SMC6: variants seen among roughly 807,000 people sequenced by gnomAD.
SMC6 encodes structural maintenance of chromosomes protein 6.
A neutral mutation model predicts 142.2 loss-of-function variants in SMC6; 79 were observed. The ratio of observed to expected loss-of-function variants is 0.56; its 90% CI spans 0.46 to 0.67. The LOEUF (loss-of-function observed/expected upper bound fraction) is 0.67, where lower values mean the gene tolerates loss of function less well. SMC6 is among the 30% of genes least tolerant of loss of function. The pLI is 0.00. For missense variants in SMC6, 1,072 were observed against 1,284.0 expected, an observed-to-expected ratio of 0.83 and a Z score of 2.52; for synonymous variants, 411 against 412.4, an observed-to-expected ratio of 1.00 and a Z score of 0.04.
Position 17,674,338 on chromosome 2 carries a change from T to C in SMC6, c.2911-3763A>G, listed in dbSNP as rs1296350846. Among the ~76,000 whole-genome samples the C allele has an allele frequency of 5.9e-5, 9 of 152,332 alleles. No individual in the cohort carries two copies. In the East Asian group the frequency reaches 1.7e-3, roughly 29 times the overall value. On this transcript the variant is annotated intron_variant, in intron 25 of 27. Transcript: ENST00000448223. ...ACAGATTACATAGAAATGTGCTGCC[T>C]AATTTTCTAACATTCATTAAGTTTT...
At chr2:17,732,054 G>A (rs1233489737) in intron 5 of SMC6, among the ~76,000 whole-genome samples, 177 bp from the exon 6 acceptor site, 2 of 152,154 alleles carry the variant, frequency 1.3e-5, no homozygotes, top group African/African-American at 2.4e-5. Context: ...TAACGATACT[G>A]TGCCTAACAA....
intron 23 of SMC6, among the ~76,000 whole-genome samples, chr2:17,693,355 C>G (rs1007605359): frequency 1.3e-5 from 2 of 152,202 alleles, no homozygotes; most frequent in African/African-American, 2.4e-5. Context: ...CCATGGAATA[C>G]TATGCAGCCA....
intron 4 of SMC6, among the ~76,000 whole-genome samples, chr2:17,739,672 G>C (rs1445757609): frequency 6.6e-6 from 1 of 151,854 alleles, no homozygotes; most frequent in Admixed American, 6.6e-5. Context: ...AATTAGGAAG[G>C]CATAGTGGCA....
At chr2:17,709,611 G>A (rs576520617) in intron 16 of SMC6, among the ~76,000 whole-genome samples, 1 of 152,236 alleles carries the variant, frequency 6.6e-6, no homozygotes, top group Admixed American at 6.5e-5. Context: ...TATTTAGTGA[G>A]CACCTACTCT....
In SMC6 at chr2:17,703,315, G is replaced by A. The variant is rs1813577; in HGVS notation, c.2007-23C>T. 8.5e-3 allele frequency: 13,381 copies of A among 1,576,154 alleles called. 244 individuals carry two copies. The highest frequency in any genetic ancestry group is 0.062 in the African/African-American group (4,476 of 72,152). Reference sequence around the variant, plus strand: ...TCACTTGATAGGAAAGGAGAAGATAGAAAATACTTTAAATCTTTTTCTCAA... The same window carrying A: ...TCACTTGATAGGAAAGGAGAAGATAAAAAATACTTTAAATCTTTTTCTCAA... On this transcript the variant is annotated intron_variant, in intron 18 of 27. Coordinates refer to ENST00000448223, the MANE Select transcript of SMC6 (RefSeq NM_001142286.2).
rs565645489 is a variant in SMC6, at chr2:17,752,566, A to G, written c.-6+412T>C. ...TGATATAAATACACGCTTTTAGGCA[A>G]TATACTAGTGGCCTCCAAACGTTTT... is the stretch of plus-strand genomic sequence containing the variant. On this transcript the variant is annotated intron_variant, in intron 2 of 27. Coordinates refer to ENST00000448223, the MANE Select transcript of SMC6 (RefSeq NM_001142286.2). Among the ~76,000 whole-genome samples, 51 of 152,354 alleles carry G rather than the reference A, an allele frequency of 3.3e-4. No homozygotes were observed. In the South Asian group the frequency reaches 6.2e-3, roughly 19 times the overall value.
In SMC6 at chr2:17,735,083, A is replaced by G. The variant is rs553529995; in HGVS notation, c.344+3138T>C. Among the ~76,000 whole-genome samples, 3 of 152,188 alleles carry G rather than the reference A, an allele frequency of 2.0e-5. No individual in the cohort carries two copies. The East Asian group carries it at 5.8e-4, about 29-fold the overall frequency. On this transcript the variant is annotated intron_variant, in intron 5 of 27. Transcript: ENST00000448223. Reference sequence around the variant, plus strand: ...AAGCAAAATACTTCTAAAAAATAACATTTATAAAAAAGCCTCATAATTACT... The same window carrying G: ...AAGCAAAATACTTCTAAAAAATAACGTTTATAAAAAAGCCTCATAATTACT...
intron 11 of SMC6, among the ~76,000 whole-genome samples, chr2:17,720,243 T>C (rs761960218): frequency 1.7e-4 from 26 of 152,206 alleles, no homozygotes; most frequent in Non-Finnish European, 3.2e-4. Flanking sequence ...ATCTGCTGAA[T>C]GTTAAAGGGT....
chr2:17,707,928 AG>A (rs1427083584), intron 17 of SMC6, among the ~76,000 whole-genome samples: 1 of 151,890 alleles, frequency 6.6e-6, no homozygotes, highest in Non-Finnish European at 1.5e-5. Flanking sequence ...TTTTTTTTCA[AG>A]TACCATTCTA....
chr2:17,674,823 C>T lies in SMC6; in HGVS notation c.2910+4036G>A, dbSNP rs969213109. ...CATAAAGTCTATTTTGTTATTATTA[C>T]AGCTTAACCAGCTTCCCTTTGGCTA... is the stretch of plus-strand genomic sequence containing the variant. On this transcript the variant is annotated intron_variant, in intron 25 of 27. Coordinates refer to ENST00000448223, the MANE Select transcript of SMC6 (RefSeq NM_001142286.2). Among the ~76,000 whole-genome samples, 6 of 152,098 alleles carry T rather than the reference C, an allele frequency of 3.9e-5. No individual in the cohort carries two copies. In the South Asian group the frequency reaches 1.2e-3, roughly 32 times the overall value.
chr2:17,666,895 T>C (rs1666522084), intron 26 of SMC6, among the ~76,000 whole-genome samples: 1 of 151,858 alleles, frequency 6.6e-6, no homozygotes, highest in Non-Finnish European at 1.5e-5. Flanking sequence ...GGCAGGAGGA[T>C]CACTTGAGCC....
At chr2:17,666,582 T>A in intron 26 of SMC6, 65 bp from the exon 27 acceptor site, 2 of 1,199,028 alleles carry the variant, frequency 1.7e-6, no homozygotes, top group East Asian at 2.4e-5. Context: ...AAAGCAGCAT[T>A]CTGTGGGCTG....
At chr2:17,738,528 T>C (rs1670270453) in intron 4 of SMC6, among the ~76,000 whole-genome samples, 1 of 152,224 alleles carries the variant, frequency 6.6e-6, no homozygotes, top group African/African-American at 2.4e-5. Context: ...CTGCCATTAT[T>C]AGCAAAAAAA....
At chr2:17,681,553 C>G (rs903177045) in intron 24 of SMC6, 8 of 152,122 alleles carry the variant, frequency 5.3e-5, no homozygotes, top group African/African-American at 1.9e-4. Flanking sequence ...CACTGTAAGG[C>G]TATTAACTAG....
In SMC6 at chr2:17,716,168, G is replaced by A. The variant is rs748618307; in HGVS notation, c.1443C>T (p.Gly481=). 1.2e-5 allele frequency: 19 copies of A among 1,612,212 alleles called. No homozygotes were observed. Among genetic ancestry groups the A allele is most frequent in the Non-Finnish European group, 1.6e-5 (19 of 1,179,508 alleles). Residue 481 remains glycine, a synonymous_variant, in exon 15 of 28, where the codon GGC becomes GGT. Transcript: ENST00000448223. The stretch of plus-strand genomic sequence containing the variant: ...CTTCAAGAAGAGCTGGAACATTAGG[G>A]CCAAATCTTTTGAGTCGATCAGTTT... The part of the protein sequence containing the change: ...DSKTDRLKRF[G]PNVPALLEAI...
Position 17,731,134 on chromosome 2 carries a change from C to T in SMC6, c.487G>A (p.Val163Met), listed in dbSNP as rs377163344. 154 of 1,610,104 alleles carry T rather than the reference C, an allele frequency of 9.6e-5. 1 individual carries two copies. Among genetic ancestry groups the T allele is most frequent in the Non-Finnish European group, 1.2e-4 (146 of 1,177,618 alleles). The change falls in exon 7 of 28, where the codon GTG becomes ATG. Residue 163 changes from valine to methionine, a missense_variant. This residue lies in a region of SMC6 where 994 missense variants were observed against 1,153.2 expected (regional missense o/e 0.86). Coordinates refer to ENST00000448223, the MANE Select transcript of SMC6 (RefSeq NM_001142286.2). ...AGCTCTTCTTTCCTCGTGGAAACCA[C>T]GGAGCCTAGTTATAAGAAACATATG... ...SYKLKSATGSVVSTRKEELIA... is the reference protein window; with the variant it reads ...SYKLKSATGSMVSTRKEELIA...
At chr2:17,674,393 C>T (rs1666908753) in intron 25 of SMC6, among the ~76,000 whole-genome samples, 1 of 151,986 alleles carries the variant, frequency 6.6e-6, no homozygotes. Flanking sequence ...AATTTAATTC[C>T]ACTTTACAAT....
intron 2 of SMC6, among the ~76,000 whole-genome samples, chr2:17,752,605 T>G (rs1671102588): frequency 2.6e-5 from 4 of 152,172 alleles, no homozygotes; most frequent in Admixed American, 2.0e-4. Flanking sequence ...CTTGCACCCA[T>G]TAAGCAAAAG....
intron 7 of SMC6, among the ~76,000 whole-genome samples, chr2:17,729,411 T>C (rs1432829551): frequency 6.6e-6 from 1 of 152,308 alleles, no homozygotes; most frequent in East Asian, 1.9e-4. Context: ...CCCAAGGAAG[T>C]GAGAGCTTAC....
Sources: allele counts gnomAD v4.1 joint callset (sites outside exome capture counted in the v4.1 genomes callset), GRCh38; gene constraint gnomAD v4.1.1; regional missense constraint gnomAD v4.1.1; transcripts MANE v1.5; gene names NCBI Gene and HGNC (gene_info 2026-07-23, HGNC 2026-07-21).